SGK3: variants seen among roughly 807,000 people sequenced by gnomAD.
The protein encoded by SGK3 is serum/glucocorticoid regulated kinase family member 3.
Under a neutral mutation model 68.5 loss-of-function variants are expected in SGK3, and 47 were observed. The observed-to-expected ratio is 0.69, with a 90% CI of 0.54 to 0.87. The LOEUF (loss-of-function observed/expected upper bound fraction) is 0.87, where lower values mean the gene tolerates loss of function less well. Among genes scored for constraint, SGK3 ranks in the 40% least tolerant of loss-of-function variants. The probability of loss-of-function intolerance (pLI) is 0.00; values close to 1 mark genes in which losing one functional copy is unlikely to be tolerated. For missense variants in SGK3, 479 were observed against 575.5 expected (o/e 0.83, Z 1.72); for synonymous variants, 181 against 189.1 (o/e 0.96, Z 0.35).
chr8:66,812,216 G>T (rs576890158), intron 4 of SGK3, among the ~76,000 whole-genome samples: 1 of 152,108 alleles, frequency 6.6e-6, no homozygotes, highest in Non-Finnish European at 1.5e-5. Flanking sequence ...GACATTTGCC[G>T]TTAGGAGACA....
chr8:66,743,506 A>G (rs75621837), intron 1 of SGK3, among the ~76,000 whole-genome samples: 4,522 of 152,222 alleles, frequency 0.03, 99 homozygotes, highest in South Asian at 0.055. Context: ...TTTGTCCACT[A>G]TGTTCATTGT....
At chr8:66,850,498 C>T (rs969030349) in intron 15 of SGK3, among the ~76,000 whole-genome samples, 11 of 152,112 alleles carry the variant, frequency 7.2e-5, no homozygotes, top group Non-Finnish European at 1.3e-4. Context: ...TTATTCTTTT[C>T]ATAGCACTTT....
chr8:66,722,421 T>C (rs950111500), intron 1 of SGK3, among the ~76,000 whole-genome samples: 28 of 152,324 alleles, frequency 1.8e-4, no homozygotes, highest in Admixed American at 1.1e-3. Context: ...TAGCTGGGAC[T>C]ACAGGCATTT....
intron 1 of SGK3, among the ~76,000 whole-genome samples, chr8:66,727,090 G>A (rs118133732): frequency 0.025 from 3,818 of 152,114 alleles, 63 homozygotes; most frequent in Middle Eastern, 0.037. Context: ...GATAGAACAT[G>A]TTAGATCTGA....
At chr8:66,829,184 T>G (rs1809197737) in intron 7 of SGK3, among the ~76,000 whole-genome samples, 1 of 152,160 alleles carries the variant, frequency 6.6e-6, no homozygotes, top group Non-Finnish European at 1.5e-5. Context: ...CTATTAAACT[T>G]TGTTTACCGA....
Position 66,836,523 on chromosome 8 carries a change from C to A in SGK3, c.741+449C>A, listed in dbSNP as rs1585791518. 3.9e-5 allele frequency among the ~76,000 whole-genome samples: 6 copies of A among 151,994 alleles called. No individual in the cohort carries two copies. In the South Asian group the frequency reaches 1.2e-3, roughly 32 times the overall value. ...TGGCTCAGTGACTCGCACCTTTAAT[C>A]TCAGCTACTCAGGAGGCTGAGGCAG... On this transcript the variant is annotated intron_variant, in intron 10 of 16. Coordinates refer to ENST00000521198, the MANE Select transcript of SGK3 (RefSeq NM_001033578.3).
At chr8:66,763,283 T>C (rs1357309235) in intron 1 of SGK3, among the ~76,000 whole-genome samples, 1 of 152,280 alleles carries the variant, frequency 6.6e-6, no homozygotes, top group Admixed American at 6.5e-5. Context: ...TTAGTATCTT[T>C]GTAAATTCCT....
chr8:66,754,880 A>G (rs1293916810), intron 1 of SGK3, among the ~76,000 whole-genome samples: 1 of 152,260 alleles, frequency 6.6e-6, no homozygotes, highest in Non-Finnish European at 1.5e-5. Context: ...AATATGACAC[A>G]CCATTAATAC....
At chr8:66,848,773 T>C (rs1008840007) in intron 15 of SGK3, among the ~76,000 whole-genome samples, 1 of 152,204 alleles carries the variant, frequency 6.6e-6, no homozygotes, top group African/African-American at 2.4e-5. Context: ...AGTCTTACTC[T>C]CCTGAGAGGT....
At chr8:66,828,124 A>C (rs1370920480) in intron 6 of SGK3, among the ~76,000 whole-genome samples, 1 of 151,530 alleles carries the variant, frequency 6.6e-6, no homozygotes. Flanking sequence ...ACTCCGTCTC[A>C]GAAAAAAAAA....
chr8:66,838,061 A>C (rs182458923), intron 10 of SGK3, among the ~76,000 whole-genome samples: 125 of 152,200 alleles, frequency 8.2e-4, no homozygotes, highest in African/African-American at 2.4e-3. Context: ...AATGCCATGA[A>C]ATTTTCTTTC....
intron 3 of SGK3, among the ~76,000 whole-genome samples, chr8:66,799,748 A>G (rs1055197386): frequency 6.6e-6 from 1 of 152,164 alleles, no homozygotes; most frequent in Non-Finnish European, 1.5e-5. Context: ...CAGTCTCTCA[A>G]GTAGCTGGGA....
chr8:66,801,041 T>G (rs1280755248), intron 3 of SGK3, among the ~76,000 whole-genome samples: 1 of 152,246 alleles, frequency 6.6e-6, no homozygotes, highest in East Asian at 1.9e-4. Context: ...ACTGTTTTCT[T>G]CTGTTCTTTA....
At chr8:66,804,028 C>T (rs553624686) in intron 3 of SGK3, among the ~76,000 whole-genome samples, 6 of 152,266 alleles carry the variant, frequency 3.9e-5, no homozygotes, top group Non-Finnish European at 8.8e-5. Flanking sequence ...TGTAACAGCA[C>T]GTTCTAGCCT....
At chr8:66,787,553 C>A (rs1807260018) in intron 1 of SGK3, among the ~76,000 whole-genome samples, 1 of 152,104 alleles carries the variant, frequency 6.6e-6, no homozygotes, top group Non-Finnish European at 1.5e-5. Flanking sequence ...CTAAATCAGT[C>A]TTGGTGAGGG....
chr8:66,732,026 A>G (rs533356193), intron 1 of SGK3, among the ~76,000 whole-genome samples: 34 of 152,190 alleles, frequency 2.2e-4, no homozygotes, highest in Non-Finnish European at 4.3e-4. Flanking sequence ...TTACTTGCTA[A>G]CATGGTTGAG....
chr8:66,778,717 A>G (rs1806827797), intron 1 of SGK3, among the ~76,000 whole-genome samples: 1 of 152,238 alleles, frequency 6.6e-6, no homozygotes, highest in South Asian at 2.1e-4. Context: ...TGACAAGGAA[A>G]AAGTCAGTAC....
At chr8:66,728,624 G>T (rs1805047773) in intron 1 of SGK3, among the ~76,000 whole-genome samples, 2 of 152,096 alleles carry the variant, frequency 1.3e-5, no homozygotes, top group South Asian at 2.1e-4. Context: ...ACTGCTCCCA[G>T]CCATTTCTTT....
intron 1 of SGK3, among the ~76,000 whole-genome samples, chr8:66,759,932 C>T (rs546759134): frequency 6.6e-6 from 1 of 152,224 alleles, no homozygotes; most frequent in Non-Finnish European, 1.5e-5. Flanking sequence ...TTAGGGTTTA[C>T]CTGGATAATC....
Sources: allele counts gnomAD v4.1 joint callset (sites outside exome capture counted in the v4.1 genomes callset), GRCh38; gene constraint gnomAD v4.1.1; transcripts MANE v1.5; gene names NCBI Gene and HGNC (gene_info 2026-07-23, HGNC 2026-07-21).